TNRC6B: variants seen among roughly 807,000 people sequenced by gnomAD.
TNRC6B encodes the protein trinucleotide repeat-containing gene 6B protein.
In TNRC6B, 52 loss-of-function variants were observed where a neutral mutation model predicts 203.6. The observed-to-expected ratio is 0.26, with a 90% CI of 0.20 to 0.32. The LOEUF (loss-of-function observed/expected upper bound fraction) is 0.32. Among genes scored for constraint, TNRC6B ranks in the 10% least tolerant of loss-of-function variants. The pLI is 1.00. For missense variants in TNRC6B, 1,923 were observed against 2,286.2 expected (o/e 0.84, Z 3.24); for synonymous variants, 838 against 845.7 (o/e 0.99, Z 0.16).
At chr22:40,216,190 T>G (rs185849916) in intron 1 of TNRC6B, among the ~76,000 whole-genome samples, 15 of 152,316 alleles carry the variant, frequency 9.8e-5, no homozygotes, top group African/African-American at 7.2e-5. Context: ...CTAGTCAGCT[T>G]TTTCTTTCTT....
chr22:40,100,170 T>G (rs1215793154), intron 1 of TNRC6B, among the ~76,000 whole-genome samples: 1 of 151,780 alleles, frequency 6.6e-6, no homozygotes, highest in Non-Finnish European at 1.5e-5. Context: ...TACTGCAATC[T>G]CCACCTTCCA....
In TNRC6B at chr22:40,265,073, A is replaced by C; in HGVS notation, c.843A>C (p.Leu281=). 6.2e-7 allele frequency: 1 copy of C among 1,614,022 alleles called. No homozygotes were observed. Among genetic ancestry groups the C allele is most frequent in the African/African-American group, 1.3e-5 (1 of 75,048 alleles). The change falls in exon 5 of 23, where the codon CTA becomes CTC. Residue 281 remains leucine (L), a synonymous_variant. Transcript: ENST00000454349. ...CTACTACAGAGAACAACAATGGACT[A>C]GGAAATTGGAGGAATGTGAGTGGTC... The part of the protein sequence containing the change: ...SNSTTENNNG[L]GNWRNVSGQD...
At position 40,266,671 on chromosome 22, in the gene TNRC6B, A is replaced by G. The variant is rs889839827; in HGVS notation, c.2441A>G (p.Asn814Ser). 6.2e-7 allele frequency: 1 copy of G among 1,613,752 alleles called. No individual in the cohort carries two copies. The highest frequency in any genetic ancestry group is 8.5e-7 in the Non-Finnish European group (1 of 1,179,770). The part of the protein sequence containing the change: ...PAWNETGRQP[N>S]SWNKQHQQQQ... ...TGGAATGAGACGGGCCGACAGCCCAATTCCTGGAATAAACAACACCAACAG... is the reference window on the plus strand; with the variant it reads ...TGGAATGAGACGGGCCGACAGCCCAGTTCCTGGAATAAACAACACCAACAG... The change falls in exon 5 of 23, where the codon AAT becomes AGT. Residue 814 changes from asparagine to serine, a missense_variant. By Grantham distance (46) the Asn-to-Ser change is conservative. Around this residue, in one of 8 missense-constraint regions of TNRC6B, gnomAD observed 599 missense variants for 656.5 expected, o/e 0.91. Transcript: ENST00000454349.
At chr22:40,096,549 A>C (rs937051208) in intron 1 of TNRC6B, among the ~76,000 whole-genome samples, 2 of 152,186 alleles carry the variant, frequency 1.3e-5, no homozygotes, top group Non-Finnish European at 2.9e-5. Context: ...CCAGCTACTC[A>C]GTGTGCATCA....
intron 1 of TNRC6B, among the ~76,000 whole-genome samples, chr22:40,075,156 A>ATATATATATATATATATTTT: frequency 2.8e-5 from 1 of 35,558 alleles, no homozygotes; most frequent in Non-Finnish European, 5.2e-5. Flanking sequence ...ATATATATAT[A>ATATATATATATATATATTTT]TTTTTTTTTT....
intron 1 of TNRC6B, among the ~76,000 whole-genome samples, chr22:40,116,541 G>A (rs1011396012): frequency 2.0e-5 from 3 of 152,174 alleles, no homozygotes; most frequent in Admixed American, 1.3e-4. Flanking sequence ...GATTGGGGAG[G>A]AGCAAGAGTA....
Position 40,076,022 on chromosome 22 carries a change from A to G in TNRC6B, c.-121+31024A>G, listed in dbSNP as rs138509586. Among the ~76,000 whole-genome samples, 587 of 152,320 alleles carry G rather than the reference A, an allele frequency of 3.9e-3. 2 individuals are homozygous for G. Among genetic ancestry groups the G allele is most frequent in the Middle Eastern group, 0.014 (4 of 294 alleles). On this transcript the variant is annotated intron_variant, in intron 1 of 23. Transcript: ENST00000301923. ...AGAAAAGTATTTTCCATTTACCCACATATTTGCCATTTCCAATGCCCTTTA... is the reference window on the plus strand; with the variant it reads ...AGAAAAGTATTTTCCATTTACCCACGTATTTGCCATTTCCAATGCCCTTTA...
rs773620954 is a variant in TNRC6B at position 40,310,971 on chromosome 22, C to T, written c.4413C>T (p.Ser1471=). Residue 1471 remains serine, a synonymous_variant, in exon 17 of 23, where the codon TCC becomes TCT. Transcript: ENST00000454349. ...CAACAAATAAAATCGGAAGTAAATCCAGCAATGCCAGTTGGCCTCCAGGTA... is the reference window on the plus strand; with the variant it reads ...CAACAAATAAAATCGGAAGTAAATCTAGCAATGCCAGTTGGCCTCCAGGTA... ...SPPTNKIGSK[S]SNASWPPEFQ... is the part of the protein sequence containing the mutation. 3 of 1,608,122 alleles carry T rather than the reference C, an allele frequency of 1.9e-6. No homozygotes were observed. Among genetic ancestry groups the T allele is most frequent in the South Asian group, 1.1e-5 (1 of 90,002 alleles).
chr22:40,058,437 A>G (rs1044684779), intron 1 of TNRC6B, among the ~76,000 whole-genome samples: 55 of 128,552 alleles, frequency 4.3e-4, no homozygotes, highest in African/African-American at 2.2e-3. Flanking sequence ...AATGTGACAC[A>G]ATGTGCTTTA....
chr22:40,261,118 T>C (rs1228477678), intron 3 of TNRC6B, among the ~76,000 whole-genome samples: 1 of 151,522 alleles, frequency 6.6e-6, no homozygotes, highest in African/African-American at 2.4e-5. Flanking sequence ...ACCCTGTCTC[T>C]AGAGGAGGAA....
At chr22:40,231,730 AAG>A (rs1320736107) in intron 1 of TNRC6B, among the ~76,000 whole-genome samples, 2 of 152,220 alleles carry the variant, frequency 1.3e-5, no homozygotes, top group Admixed American at 6.5e-5. Flanking sequence ...AGTCTAATGA[AAG>A]AAGTTCAGGA....
intron 15 of TNRC6B, among the ~76,000 whole-genome samples, chr22:40,305,106 G>C (rs191337955): frequency 6.6e-6 from 1 of 152,164 alleles, no homozygotes; most frequent in Non-Finnish European, 1.5e-5. Context: ...GCCAAAAGTC[G>C]TGAACAGACC....
chr22:40,249,631 T>C (rs1201597220), intron 2 of TNRC6B, among the ~76,000 whole-genome samples: 2 of 152,222 alleles, frequency 1.3e-5, no homozygotes, highest in Admixed American at 1.3e-4. Context: ...TTTGGGCTTG[T>C]TGCTTACAAT....
At chr22:40,234,894 CA>C (rs2069927006) in intron 1 of TNRC6B, among the ~76,000 whole-genome samples, 1 of 152,130 alleles carries the variant, frequency 6.6e-6, no homozygotes, top group Admixed American at 6.5e-5. Flanking sequence ...AGAACAAATC[CA>C]ATATACATAT....
intron 1 of TNRC6B, among the ~76,000 whole-genome samples, chr22:40,071,059 AT>A (rs2067942747): frequency 6.6e-6 from 1 of 152,078 alleles, no homozygotes; most frequent in African/African-American, 2.4e-5. Flanking sequence ...ACTGTAGACT[AT>A]TTACTTTCTT....
chr22:40,062,813 TC>T (rs2067865357), intron 1 of TNRC6B, among the ~76,000 whole-genome samples: 2 of 152,228 alleles, frequency 1.3e-5, no homozygotes, highest in African/African-American at 2.4e-5. Flanking sequence ...GGGTTACTTG[TC>T]TTATTGTTCA....
intron 4 of TNRC6B, among the ~76,000 whole-genome samples, chr22:40,162,879 T>C (rs1211234581): frequency 6.6e-6 from 1 of 152,228 alleles, no homozygotes; most frequent in Non-Finnish European, 1.5e-5. Flanking sequence ...CAGTAGATGA[T>C]AGTTTATACT....
intron 1 of TNRC6B, among the ~76,000 whole-genome samples, chr22:40,055,747 CAG>C (rs2067789305): frequency 6.6e-6 from 1 of 152,098 alleles, no homozygotes; most frequent in Non-Finnish European, 1.5e-5. Context: ...TCTGTAGGAG[CAG>C]AGAGTGTAAA....
At chr22:40,313,416 G>A (rs967399236) in intron 19 of TNRC6B, among the ~76,000 whole-genome samples, 3 of 151,784 alleles carry the variant, frequency 2.0e-5, no homozygotes, top group African/African-American at 7.3e-5. Flanking sequence ...CAAAGGCTAA[G>A]GGCAGATGGC....
Sources: gnomAD v4.1 joint callset for allele counts (sites outside exome capture counted in the v4.1 genomes callset) on GRCh38, gnomAD v4.1.1 for gene constraint, gnomAD v4.1.1 regional missense constraint, MANE v1.5 for transcripts, NCBI Gene and HGNC (gene_info 2026-07-23, HGNC 2026-07-21) for gene names.